RBFOX1: variants seen among roughly 807,000 people sequenced by gnomAD.
RBFOX1 encodes RNA binding protein fox-1 homolog 1.
A neutral mutation model predicts 57.7 loss-of-function variants in RBFOX1; 8 were observed. The ratio of observed to expected loss-of-function variants is 0.14; its 90% confidence interval spans 0.08 to 0.25. The LOEUF is 0.25. RBFOX1 is among the 10% of genes least tolerant of loss of function. The pLI is 1.00. For missense variants in RBFOX1, 611 were observed against 548.5 expected (o/e 1.11, Z -1.14); for synonymous variants, 326 against 222.4 (o/e 1.47, Z -4.15).
intron 4 of RBFOX1, among the ~76,000 whole-genome samples, chr16:5,939,069 A>G (rs2059227921): frequency 6.6e-6 from 1 of 151,952 alleles, no homozygotes; most frequent in Non-Finnish European, 1.5e-5. Flanking sequence ...AGGGCAGGGA[A>G]CATCACACAC....
chr16:5,853,537 G>A, intron 3 of RBFOX1, among the ~76,000 whole-genome samples: 1 of 152,138 alleles, frequency 6.6e-6, no homozygotes, highest in East Asian at 1.9e-4. Flanking sequence ...CCCTGACTTG[G>A]AGATCTCTCT....
At chr16:7,588,202 G>T (rs1190693696) in intron 7 of RBFOX1, among the ~76,000 whole-genome samples, 4 of 152,044 alleles carry the variant, frequency 2.6e-5, no homozygotes, top group Non-Finnish European at 5.9e-5. Flanking sequence ...ATAAACAAAA[G>T]AAATATGTTG....
At chr16:6,767,695 C>G (rs1053669452) in intron 3 of RBFOX1, among the ~76,000 whole-genome samples, 2 of 151,816 alleles carry the variant, frequency 1.3e-5, no homozygotes, top group Non-Finnish European at 2.9e-5. Context: ...GTGGGCAGAT[C>G]ACGAGATCAG....
chr16:5,240,955 C>A (rs1237795810), intron 1 of RBFOX1, among the ~76,000 whole-genome samples: 2 of 152,226 alleles, frequency 1.3e-5, no homozygotes, highest in South Asian at 4.1e-4. Flanking sequence ...GTGAGGGCCG[C>A]CACCTTGATG....
intron 3 of RBFOX1, among the ~76,000 whole-genome samples, chr16:6,873,229 A>G (rs1236927714): frequency 6.6e-6 from 1 of 152,074 alleles, no homozygotes; most frequent in Non-Finnish European, 1.5e-5. Flanking sequence ...CATTTATGTA[A>G]ATAAACGTAT....
chr16:6,338,798 C>G (rs1833157), intron 2 of RBFOX1, among the ~76,000 whole-genome samples: 15,716 of 152,226 alleles, frequency 0.1, 1,026 homozygotes, highest in South Asian at 0.19. Flanking sequence ...TTCAAAAGTA[C>G]GGAACAATTT....
intron 2 of RBFOX1, among the ~76,000 whole-genome samples, chr16:6,543,752 A>G (rs978913640): frequency 5.9e-5 from 9 of 152,048 alleles, no homozygotes; most frequent in East Asian, 1.9e-4. Flanking sequence ...AAGGGTTAGA[A>G]TCTCTTTCTA....
At chr16:5,922,633 C>G (rs150077147) in intron 4 of RBFOX1, among the ~76,000 whole-genome samples, 34 of 152,340 alleles carry the variant, frequency 2.2e-4, no homozygotes, top group African/African-American at 8.2e-4. Context: ...CTGGTTTAAA[C>G]CATTTAACAT....
intron 2 of RBFOX1, among the ~76,000 whole-genome samples, chr16:6,531,472 G>C (rs1015231633): frequency 1.3e-5 from 2 of 152,092 alleles, no homozygotes; most frequent in African/African-American, 4.8e-5. Context: ...ATTACATTTA[G>C]GACAGGTTCT....
At chr16:5,649,319 G>A (rs538202658) in intron 3 of RBFOX1, among the ~76,000 whole-genome samples, 13 of 152,034 alleles carry the variant, frequency 8.6e-5, no homozygotes, top group East Asian at 7.8e-4. Flanking sequence ...ACAGGCATGC[G>A]CCACTATGCC....
At chr16:6,261,599 T>C (rs1373846349) in intron 1 of RBFOX1, among the ~76,000 whole-genome samples, 1 of 152,208 alleles carries the variant, frequency 6.6e-6, no homozygotes, top group African/African-American at 2.4e-5. Context: ...ACCAGTTTCA[T>C]CTCTGTAAAT....
intron 1 of RBFOX1, among the ~76,000 whole-genome samples, chr16:6,256,223 A>ATATG (rs2097664061): frequency 1.8e-5 from 2 of 109,002 alleles, no homozygotes; most frequent in East Asian, 2.6e-4. Context: ...ATATATATGT[A>ATATG]TATATATATG....
At position 6,299,810 on chromosome 16, in the gene RBFOX1, G is replaced by C. The variant is rs188106883; in HGVS notation, c.-126-17185G>C. On this transcript the variant is annotated intron_variant, in intron 1 of 15. Transcript: ENST00000550418. ...GGGATCTTTGGGAAACAAGTCTGTC[G>C]GGGTTCAGTTTCCTCAATGGTAAAA... Among the ~76,000 whole-genome samples, 1,320 of 152,196 alleles carry C rather than the reference G, an allele frequency of 8.7e-3. 27 individuals are homozygous for C. Among genetic ancestry groups the C allele is most frequent in the African/African-American group, 0.03 (1,238 of 41,506 alleles).
intron 2 of RBFOX1, among the ~76,000 whole-genome samples, chr16:6,480,958 C>T (rs1044598443): frequency 1.3e-5 from 2 of 152,140 alleles, no homozygotes; most frequent in African/African-American, 4.8e-5. Flanking sequence ...TGCCTCCCCC[C>T]ACAACCCCAT....
At chr16:6,935,494 C>T (rs1251360530) in intron 3 of RBFOX1, among the ~76,000 whole-genome samples, 1 of 152,164 alleles carries the variant, frequency 6.6e-6, no homozygotes, top group African/African-American at 2.4e-5. Flanking sequence ...TAAGCCATTA[C>T]ATTTCAGGGT....
intron 3 of RBFOX1, among the ~76,000 whole-genome samples, chr16:7,043,835 C>A (rs533753352): frequency 6.6e-6 from 1 of 152,232 alleles, no homozygotes; most frequent in Non-Finnish European, 1.5e-5. Flanking sequence ...ACTGCACTTC[C>A]ATAATCTCAC....
chr16:7,146,723 C>G (rs1049965462), intron 4 of RBFOX1, among the ~76,000 whole-genome samples: 4 of 151,714 alleles, frequency 2.6e-5, no homozygotes, highest in African/African-American at 9.7e-5. Flanking sequence ...CTGAGGCAGA[C>G]AGATCACTTG....
rs148568427 is a variant in RBFOX1, at chr16:6,046,098, C to T, written c.-127+26106C>T. 6.9e-3 allele frequency among the ~76,000 whole-genome samples: 1,048 copies of T among 152,238 alleles called. 7 individuals carry two copies. Among genetic ancestry groups the T allele is most frequent in the Middle Eastern group, 0.027 (8 of 294 alleles). On this transcript the variant is annotated intron_variant, in intron 1 of 15. Transcript: ENST00000550418. ...GATGGTTTTACACAAGGAAGAGGAA[C>T]ATTCTGATTTTTGTGTTAAAATGAT...
chr16:6,705,372 G>A (rs957848373), intron 3 of RBFOX1: 2 of 152,152 alleles, frequency 1.3e-5, no homozygotes, highest in Non-Finnish European at 2.9e-5. Context: ...AATGAATCAT[G>A]TTTAGCTTAA....
Sources: gnomAD v4.1 joint callset for allele counts (sites outside exome capture counted in the v4.1 genomes callset) on GRCh38, gnomAD v4.1.1 for gene constraint, MANE v1.5 for transcripts, NCBI Gene and HGNC (gene_info 2026-07-23, HGNC 2026-07-21) for gene names.